The following PIEZO2 variants were observed in gnomAD, a reference collection of about 807,000 sequenced individuals.
PIEZO2 encodes the protein piezo type mechanosensitive ion channel component 2.
A neutral mutation model predicts 337.3 loss-of-function variants in PIEZO2; 172 were observed. The observed-to-expected ratio is 0.51, with a 90% CI of 0.45 to 0.58. The LOEUF (loss-of-function observed/expected upper bound fraction) is 0.58. Ranked by LOEUF, PIEZO2 falls within the 20% of genes least tolerant of loss-of-function variation. PIEZO2 has a pLI of 0.00. For synonymous variants in PIEZO2, 1,251 were observed against 1,228.5 expected (o/e 1.02, Z -0.38); for missense variants, 3,028 against 3,391.3 (o/e 0.89, Z 2.66).
At position 10,748,538 on chromosome 18, in the gene PIEZO2, C is replaced by T; in HGVS notation, c.4357G>A (p.Val1453Ile). 10 of 1,536,636 alleles carry T rather than the reference C, an allele frequency of 6.5e-6. No homozygotes were observed. Among genetic ancestry groups the T allele is most frequent in the Non-Finnish European group, 8.7e-6 (10 of 1,146,738 alleles). ...CFAFLLLQRRVFMSYYFLHVV... is the reference protein window; with the variant it reads ...CFAFLLLQRRIFMSYYFLHVV... ...TGTAGAAAATAATAACTCATGAAAACTCTTCTTTGCAGCAGGAGGAAGGCA... is the reference window on the plus strand; with the variant it reads ...TGTAGAAAATAATAACTCATGAAAATTCTTCTTTGCAGCAGGAGGAAGGCA... The change falls in exon 30 of 56, where the codon GTT becomes ATT. Residue 1453 changes from valine to isoleucine, a missense_variant. Coordinates refer to ENST00000674853, the MANE Select transcript of PIEZO2 (RefSeq NM_001378183.1). This position sits in a 1 kb window ranked among gnomAD's most constrained non-coding sequence, Gnocchi z 5.1.
chr18:10,688,505 C>T (rs1567949616), intron 49 of PIEZO2, among the ~76,000 whole-genome samples: 1 of 152,194 alleles, frequency 6.6e-6, no homozygotes, highest in Admixed American at 6.5e-5. Flanking sequence ...GCAGAGGTTT[C>T]ATAAGTCCCC....
intron 36 of PIEZO2, among the ~76,000 whole-genome samples, chr18:10,722,957 A>AT (rs36042609): frequency 0.12 from 10,454 of 84,328 alleles, 1,587 homozygotes; most frequent in Non-Finnish European, 0.14. Context: ...GGATGCAGTG[A>AT]TTTTTTTTTT....
rs374250892 is a variant in PIEZO2 at position 10,759,820 on chromosome 18, A to G, written c.3540T>C (p.Tyr1180=). 114 of 1,537,294 alleles carry G rather than the reference A, an allele frequency of 7.4e-5. No individual in the cohort carries two copies. In the African/African-American group the frequency reaches 1.1e-3, roughly 15 times the overall value. The change falls in exon 25 of 56, where the codon TAT becomes TAC. Residue 1180 remains tyrosine (Y), a synonymous_variant. Coordinates refer to ENST00000674853, the MANE Select transcript of PIEZO2 (RefSeq NM_001378183.1). This position sits in a 1 kb window ranked among gnomAD's most constrained non-coding sequence, Gnocchi z 5.5. ...IHACWLIAVL[Y]RRRRKAIAEI... is the part of the protein sequence containing the mutation. ...CTGCGATGGCTTTCCTTCTGCGTCTATATAAGACAGCGATCAGCCAGCAGG... is the reference window on the plus strand; with the variant it reads ...CTGCGATGGCTTTCCTTCTGCGTCTGTATAAGACAGCGATCAGCCAGCAGG...
In PIEZO2 at chr18:10,707,047, C is replaced by T. The variant is rs1038989329; in HGVS notation, c.5588+1228G>A. 1.6e-4 allele frequency among the ~76,000 whole-genome samples: 25 copies of T among 152,266 alleles called. No homozygotes were observed. The highest frequency in any genetic ancestry group is 5.5e-4 in the African/African-American group (23 of 41,560). On this transcript the variant is annotated intron_variant, in intron 40 of 55. Transcript: ENST00000674853. The surrounding 1 kb of genome is among the most constrained non-coding windows in gnomAD (Gnocchi z 4.2). The stretch of plus-strand genomic sequence containing the variant: ...CAGATTGGCCTGAGCTTTTGATGCC[C>T]GCTCAGGTGTTCAGAATCCCCAGGG...
At chr18:10,921,867 C>T (rs2031435537) in intron 3 of PIEZO2, among the ~76,000 whole-genome samples, 1 of 152,042 alleles carries the variant, frequency 6.6e-6, no homozygotes, top group Non-Finnish European at 1.5e-5. Flanking sequence ...ATGGTCGAGA[C>T]TGTAGGGATG....
intron 21 of PIEZO2, among the ~76,000 whole-genome samples, chr18:10,763,788 C>T (rs763817269): frequency 2.6e-5 from 4 of 152,148 alleles, no homozygotes; most frequent in African/African-American, 7.2e-5. Flanking sequence ...GGACTGGACA[C>T]GACTTTTGGG....
rs2039760208 is a variant in PIEZO2, at chr18:11,112,345, CATTTAAGTAA to C, written c.64+36170_64+36179del. ...GTTATTTGAGATATTCTGATCCACCCATTTAAGTAAAGGCCTGGTCCAGTCATTCTGAGAA... is the reference window on the plus strand; with the variant it reads ...GTTATTTGAGATATTCTGATCCACCCAGGCCTGGTCCAGTCATTCTGAGAA... On this transcript the variant is annotated intron_variant, in intron 1 of 55. Coordinates refer to ENST00000674853, the MANE Select transcript of PIEZO2 (RefSeq NM_001378183.1). This position sits in a 1 kb window ranked among gnomAD's most constrained non-coding sequence, Gnocchi z 4.3. 6.6e-6 allele frequency among the ~76,000 whole-genome samples: 1 copy of C among 152,176 alleles called. No individual in the cohort carries two copies. The highest frequency in any genetic ancestry group is 2.4e-5 in the African/African-American group (1 of 41,420).
intron 1 of PIEZO2, among the ~76,000 whole-genome samples, chr18:11,117,734 G>C (rs564272397): frequency 6.6e-6 from 1 of 152,302 alleles, no homozygotes; most frequent in East Asian, 1.9e-4. Context: ...TTTAAAACAT[G>C]TTGGGTGGGA....
At position 11,149,008 on chromosome 18, in the gene PIEZO2, C is replaced by G. The variant is rs966861595; in HGVS notation, c.-420G>C. The stretch of plus-strand genomic sequence containing the variant: ...GGGCGTGCTGTGCTCCCGCCTGGCT[C>G]CCGGGGCGTCGTTTGGGGGCGGCCG... On this transcript the variant is annotated 5_prime_UTR_variant, in exon 1 of 56. Transcript: ENST00000674853. This position sits in a 1 kb window ranked among gnomAD's most constrained non-coding sequence, Gnocchi z 8.7. Among the ~76,000 whole-genome samples, 2 of 151,786 alleles carry G rather than the reference C, an allele frequency of 1.3e-5. No homozygotes were observed. The highest frequency in any genetic ancestry group is 4.8e-5 in the African/African-American group (2 of 41,328).
chr18:11,006,515 A>T (rs1476987076), intron 2 of PIEZO2, among the ~76,000 whole-genome samples: 1 of 151,992 alleles, frequency 6.6e-6, no homozygotes, highest in East Asian at 1.9e-4. Flanking sequence ...GGGAACAAGC[A>T]CTCTTTGCCT....
At chr18:10,812,741 CAT>C (rs984671017) in intron 7 of PIEZO2, among the ~76,000 whole-genome samples, 6 of 152,066 alleles carry the variant, frequency 3.9e-5, no homozygotes, top group African/African-American at 1.4e-4. Flanking sequence ...CTGAAGCACT[CAT>C]AACATCTGAC....
rs1383753323 is a variant in PIEZO2, at chr18:11,021,379, A to C, written c.161-41719T>G. On this transcript the variant is annotated intron_variant, in intron 2 of 55. Coordinates refer to ENST00000674853, the MANE Select transcript of PIEZO2 (RefSeq NM_001378183.1). The surrounding 1 kb of genome is among the most constrained non-coding windows in gnomAD (Gnocchi z 4.7). ...AACATTTTCTTTTTCCTTCTACAAA[A>C]GCATCCCACTCTTGTATTCCATGCA... Among the ~76,000 whole-genome samples, 2 of 152,070 alleles carry C rather than the reference A, an allele frequency of 1.3e-5. No homozygotes were observed. The highest frequency in any genetic ancestry group is 2.9e-5 in the Non-Finnish European group (2 of 68,026).
At position 10,797,427 on chromosome 18, in the gene PIEZO2, C is replaced by T. The variant is rs374440910; in HGVS notation, c.1474G>A (p.Val492Ile). Residue 492 changes from valine (V) to isoleucine (I), a missense_variant, in exon 12 of 56, where the codon GTA becomes ATA. Physicochemically the swap from Val to Ile is conservative, Grantham distance 29. This residue lies in a region of PIEZO2 where 542 missense variants were observed against 605.6 expected (regional missense o/e 0.89). Transcript: ENST00000674853. ...CTTTGTTTCATAATAAATTGGAATA[C>T]GGAGACCATGGCATGAACTTTGATA... The part of the protein sequence containing the change: ...RSIKVHAMVS[V>I]FQFIMKQSYI... The T allele has an allele frequency of 1.4e-5, 22 of 1,536,996 alleles. No individual in the cohort carries two copies. The highest frequency in any genetic ancestry group is 2.7e-5 in the African/African-American group (2 of 73,010).
Position 10,677,731 on chromosome 18 carries a change from G to GA in PIEZO2, c.8081+15dup, listed in dbSNP as rs1384421632. The GA allele has an allele frequency of 6.2e-7, 1 of 1,605,206 alleles. No individual in the cohort carries two copies. Among genetic ancestry groups the GA allele is most frequent in the South Asian group, 1.1e-5 (1 of 87,872 alleles). ...ATACCTAACAAAGCTCTATTAGTAGGAAAAAATACACTTACACTGGTGTTT... is the reference window on the plus strand; with the variant it reads ...ATACCTAACAAAGCTCTATTAGTAGGAAAAAAATACACTTACACTGGTGTTT... On this transcript the variant is annotated intron_variant, in intron 53 of 55. Coordinates refer to ENST00000674853, the MANE Select transcript of PIEZO2 (RefSeq NM_001378183.1). This position sits in a 1 kb window ranked among gnomAD's most constrained non-coding sequence, Gnocchi z 4.1.
Position 10,705,754 on chromosome 18 carries a change from G to A in PIEZO2, c.5589-8C>T. 6.6e-7 allele frequency: 1 copy of A among 1,511,884 alleles called. No individual in the cohort carries two copies. Among genetic ancestry groups the A allele is most frequent in the Non-Finnish European group, 8.8e-7 (1 of 1,132,570 alleles). 93.7% of individuals were successfully genotyped at this position (1,511,884 alleles called of 1,614,324 possible). On this transcript the variant is annotated splice_polypyrimidine_tract_variant and splice_region_variant and intron_variant, in intron 40 of 55. Transcript: ENST00000674853. ...GTACACTGCGTGGGCTCGCTGTTGGGAGAAAGCGTGGGCACAGAGCCCATG... is the reference window on the plus strand; with the variant it reads ...GTACACTGCGTGGGCTCGCTGTTGGAAGAAAGCGTGGGCACAGAGCCCATG...
chr18:10,881,617 T>C (rs1375836181), intron 4 of PIEZO2, among the ~76,000 whole-genome samples: 1 of 152,200 alleles, frequency 6.6e-6, no homozygotes, highest in Non-Finnish European at 1.5e-5. Context: ...GAGCATCAGA[T>C]CATGGAAATT....
At position 10,815,366 on chromosome 18, in the gene PIEZO2, G is replaced by A. The variant is rs1233270910; in HGVS notation, c.918-8092C>T. Among the ~76,000 whole-genome samples the A allele has an allele frequency of 6.6e-6, 1 of 152,142 alleles. No individual in the cohort carries two copies. Among genetic ancestry groups the A allele is most frequent in the Non-Finnish European group, 1.5e-5 (1 of 68,032 alleles). ...ATGATTACCTACGTGACCCTGAGTA[G>A]GACATTTAACCACTTTAAGCCTCAA... On this transcript the variant is annotated intron_variant, in intron 7 of 55. Transcript: ENST00000674853. The surrounding 1 kb of genome is among the most constrained non-coding windows in gnomAD (Gnocchi z 4.1).
chr18:10,709,017 C>T (rs761354739), intron 39 of PIEZO2, among the ~76,000 whole-genome samples: 1 of 152,152 alleles, frequency 6.6e-6, no homozygotes, highest in Non-Finnish European at 1.5e-5. Context: ...AAATGAGATG[C>T]TCTGCATGTA....
chr18:11,107,038 C>T (rs1026604996), intron 1 of PIEZO2, among the ~76,000 whole-genome samples: 1 of 152,104 alleles, frequency 6.6e-6, no homozygotes, highest in Non-Finnish European at 1.5e-5. Context: ...ATTGGTTGAC[C>T]CCCCCAGTGC....
Sources: allele counts gnomAD v4.1 joint callset (sites outside exome capture counted in the v4.1 genomes callset), GRCh38; gene constraint gnomAD v4.1.1; regional missense constraint gnomAD v4.1.1; non-coding constraint Gnocchi (gnomAD v3.1); transcripts MANE v1.5; gene names NCBI Gene and HGNC (gene_info 2026-07-23, HGNC 2026-07-21).